Variants in SMARCC1 observed in about 807,000 individuals in gnomAD.
SMARCC1 encodes SWI/SNF complex subunit SMARCC1.
SMARCC1 carries 43 observed loss-of-function variants against 147.4 expected under a neutral mutation model. The ratio of observed to expected loss-of-function variants is 0.29; its 90% CI spans 0.23 to 0.38. The LOEUF is 0.38. Ranked by LOEUF, SMARCC1 falls within the 10% of genes least tolerant of loss-of-function variation. The pLI, the probability that SMARCC1 is intolerant of heterozygous loss-of-function variation, is 1.00. For synonymous variants in SMARCC1, 495 were observed against 484.4 expected (o/e 1.02, Z -0.29); for missense variants, 1,119 against 1,381.1 (o/e 0.81, Z 3.01).
intron 21 of SMARCC1, among the ~76,000 whole-genome samples, chr3:47,650,212 C>A (rs2033170617): frequency 6.6e-6 from 1 of 151,168 alleles, no homozygotes; most frequent in Non-Finnish European, 1.5e-5. Context: ...AGAGGCGGAG[C>A]TTGCAGTGAG....
At chr3:47,732,408 C>T (rs2034385055) in intron 5 of SMARCC1, among the ~76,000 whole-genome samples, 1 of 152,210 alleles carries the variant, frequency 6.6e-6, no homozygotes, top group Admixed American at 6.5e-5. Context: ...TACAGTCCCA[C>T]TTTTAATTTC....
intron 8 of SMARCC1, 142 bp downstream of exon 8, chr3:47,714,273 A>C (rs2034128346): frequency 1.6e-6 from 1 of 616,018 alleles, no homozygotes; most frequent in Middle Eastern, 4.5e-4. Context: ...CTAACGCACG[A>C]GAATCACTTG....
At chr3:47,645,500 G>A (rs1016112654) in intron 21 of SMARCC1, among the ~76,000 whole-genome samples, 1 of 152,148 alleles carries the variant, frequency 6.6e-6, no homozygotes, top group African/African-American at 2.4e-5. Context: ...GGGTATCATT[G>A]TGCCACTGCC....
intron 2 of SMARCC1, among the ~76,000 whole-genome samples, chr3:47,751,260 T>C (rs1475568592): frequency 6.6e-6 from 1 of 151,896 alleles, no homozygotes; most frequent in Non-Finnish European, 1.5e-5. Context: ...AGAAAACAGA[T>C]GGCCAGGCGT....
At chr3:47,728,429 C>A (rs1260111923) in intron 6 of SMARCC1, among the ~76,000 whole-genome samples, 1 of 152,048 alleles carries the variant, frequency 6.6e-6, no homozygotes, top group African/African-American at 2.4e-5. Context: ...GAATATCTCA[C>A]TAATGTGTAC....
chr3:47,723,387 G>A (rs1576422422), intron 6 of SMARCC1, among the ~76,000 whole-genome samples: 2 of 114,908 alleles, frequency 1.7e-5, no homozygotes, highest in South Asian at 5.8e-4. Context: ...TTGAGACAGA[G>A]TCTCACTCTG....
intron 7 of SMARCC1, among the ~76,000 whole-genome samples, chr3:47,719,205 C>T (rs996066142): frequency 6.6e-6 from 1 of 152,010 alleles, no homozygotes; most frequent in East Asian, 1.9e-4. Context: ...TGAGCCACCA[C>T]GCCCGGCCCC....
At chr3:47,764,562 C>T (rs1332284003) in intron 2 of SMARCC1, among the ~76,000 whole-genome samples, 1 of 152,208 alleles carries the variant, frequency 6.6e-6, no homozygotes, top group East Asian at 1.9e-4. Context: ...TTTCCAGAGC[C>T]TTGCCCACCA....
intron 2 of SMARCC1, among the ~76,000 whole-genome samples, chr3:47,764,013 C>A (rs374169046): frequency 5.3e-4 from 80 of 151,916 alleles, no homozygotes; most frequent in African/African-American, 1.9e-3. Context: ...ACCACTGCAC[C>A]CAGCCTTTCT....
rs554242338 is a variant in SMARCC1 at position 47,720,835 on chromosome 3, C to T, written c.647-100G>A. 7.0e-5 allele frequency: 67 copies of T among 959,466 alleles called. 1 individual carries two copies. In the African/African-American group the frequency reaches 7.2e-4, roughly 10 times the overall value. The allele number at this position is 959,466 out of a possible 1,614,324, so 59.4% of individuals were successfully genotyped here. The stretch of plus-strand genomic sequence containing the variant: ...TTACTAAGATGTTTTAGTTTGCTAA[C>T]GAACAACATTTTTCGAACATGCTGT... On this transcript the variant is annotated intron_variant, in intron 6 of 27. Transcript: ENST00000254480.
intron 14 of SMARCC1, among the ~76,000 whole-genome samples, chr3:47,683,860 AAAC>A (rs1366427508): frequency 3.9e-5 from 6 of 152,210 alleles, no homozygotes; most frequent in South Asian, 2.1e-4. Flanking sequence ...GTTTTTAAAA[AAAC>A]AACAACAACA....
At position 47,585,445 on chromosome 3, in the gene SMARCC1, C is replaced by T. The variant is rs949209683; in HGVS notation, c.*2764G>A. 6.6e-6 allele frequency: 1 copy of T among 152,138 alleles called. No individual in the cohort carries two copies. Among genetic ancestry groups the T allele is most frequent in the Non-Finnish European group, 1.5e-5 (1 of 68,030 alleles). The allele number at this position is 152,138 out of a possible 1,614,324, so 9.4% of individuals were successfully genotyped here. A position where few individuals can be genotyped will look rare whatever the true frequency, so the allele number is the denominator to read the frequency against. ...CAGAATCCTCTTCTTTTGCTTCACT[C>T]GATTTATAAGCATCCTGAAAACAAT... is the stretch of plus-strand genomic sequence containing the variant. On this transcript the variant is annotated 3_prime_UTR_variant, in exon 28 of 28. Coordinates refer to ENST00000254480, the MANE Select transcript of SMARCC1 (RefSeq NM_003074.4).
chr3:47,642,592 AAACAAC>A (rs34383211), intron 21 of SMARCC1, among the ~76,000 whole-genome samples: 5 of 150,484 alleles, frequency 3.3e-5, no homozygotes, highest in East Asian at 3.9e-4. Context: ...TTTGTCCCAA[AAACAAC>A]AACAACAACA....
intron 26 of SMARCC1, chr3:47,601,673 T>C (rs2032388547): frequency 1.3e-5 from 2 of 152,284 alleles, no homozygotes; most frequent in South Asian, 2.1e-4. Context: ...TCTTGGCTGA[T>C]GTGATGGGCT....
intron 2 of SMARCC1, among the ~76,000 whole-genome samples, chr3:47,766,459 C>A (rs2034841672): frequency 1.3e-5 from 2 of 151,634 alleles, no homozygotes; most frequent in Non-Finnish European, 2.9e-5. Context: ...CCCAACTACT[C>A]AGGAGGGTGA....
chr3:47,608,188 A>G (rs1236217144), intron 26 of SMARCC1, among the ~76,000 whole-genome samples: 1 of 152,150 alleles, frequency 6.6e-6, no homozygotes, highest in Non-Finnish European at 1.5e-5. Flanking sequence ...CCTAGGTTCA[A>G]GCAATACCCA....
At chr3:47,681,961 T>C (rs1278739255) in intron 14 of SMARCC1, among the ~76,000 whole-genome samples, 7 of 152,192 alleles carry the variant, frequency 4.6e-5, no homozygotes, top group Admixed American at 4.6e-4. Flanking sequence ...GCAAAGATGA[T>C]CAGGCAAATG....
chr3:47,622,357 C>T lies in SMARCC1; in HGVS notation c.2647-16G>A, dbSNP rs778692102. 2.5e-6 allele frequency: 4 copies of T among 1,612,054 alleles called. No individual in the cohort carries two copies. Among genetic ancestry groups the T allele is most frequent in the Admixed American group, 1.7e-5 (1 of 59,694 alleles). On this transcript the variant is annotated splice_polypyrimidine_tract_variant and intron_variant, in intron 24 of 27. Coordinates refer to ENST00000254480, the MANE Select transcript of SMARCC1 (RefSeq NM_003074.4). ...CAGCCAGGTGCTAAGGGTACAAGAT[C>T]ATTCAAGCTATTTAGGTAAACATTT...
chr3:47,753,365 C>T (rs144479820), intron 2 of SMARCC1, among the ~76,000 whole-genome samples: 325 of 149,102 alleles, frequency 2.2e-3, no homozygotes, highest in African/African-American at 7.7e-3. Context: ...GATAAATCTA[C>T]TACAATAATT....
Sources: gnomAD v4.1 joint callset for allele counts (sites outside exome capture counted in the v4.1 genomes callset) on GRCh38, gnomAD v4.1.1 for gene constraint, MANE v1.5 for transcripts, NCBI Gene and HGNC (gene_info 2026-07-23, HGNC 2026-07-21) for gene names.